The following TESK2 variants were observed in gnomAD, a reference collection of about 807,000 sequenced individuals.
TESK2 encodes the protein testis associated actin remodelling kinase 2.
In TESK2, 39 loss-of-function variants were observed where a neutral mutation model predicts 57.1. The observed-to-expected ratio is 0.68, with a 90% confidence interval of 0.53 to 0.89. The LOEUF (loss-of-function observed/expected upper bound fraction) is 0.89, where lower values mean the gene tolerates loss of function less well. Among genes scored for constraint, TESK2 ranks in the 40% least tolerant of loss-of-function variants. TESK2 has a pLI of 0.00. For synonymous variants in TESK2, 249 were observed against 267.9 expected, an observed-to-expected ratio of 0.93 and a Z score of 0.69; for missense variants, 646 against 732.1, an observed-to-expected ratio of 0.88 and a Z score of 1.36.
At chr1:45,363,041 T>C (rs555666132) in intron 4 of TESK2, among the ~76,000 whole-genome samples, 73 of 152,120 alleles carry the variant, frequency 4.8e-4, no homozygotes, top group Non-Finnish European at 7.8e-4. Flanking sequence ...GCAGCAAGAA[T>C]GGAAAGGAGG....
chr1:45,398,622 A>G (rs1289846512), intron 3 of TESK2: 1 of 165,670 alleles, frequency 6.0e-6, no homozygotes, highest in East Asian at 1.7e-4. Context: ...ATCAAGTTTT[A>G]CCTAATGTCT....
chr1:45,354,718 A>G (rs1294315489), intron 5 of TESK2, among the ~76,000 whole-genome samples: 1 of 133,124 alleles, frequency 7.5e-6, no homozygotes, highest in Non-Finnish European at 1.5e-5. Context: ...GAGCCGATGG[A>G]GTGGAGGCTG....
intron 3 of TESK2, among the ~76,000 whole-genome samples, chr1:45,394,200 G>GCACAGTGCAATA (rs943421101): frequency 1.3e-5 from 2 of 151,892 alleles, no homozygotes; most frequent in African/African-American, 4.8e-5. Flanking sequence ...GAGTGCGGTG[G>GCACAGTGCAATA]CACAGTGCAA....
chr1:45,358,906 GCATCT>G (rs1647560742), intron 4 of TESK2, among the ~76,000 whole-genome samples: 1 of 152,166 alleles, frequency 6.6e-6, no homozygotes, highest in Admixed American at 6.5e-5. Context: ...AGAGACCACA[GCATCT>G]GAGTAAGAGA....
chr1:45,432,718 A>G (rs908494584), intron 2 of TESK2, among the ~76,000 whole-genome samples: 1 of 148,168 alleles, frequency 6.7e-6, no homozygotes, highest in Non-Finnish European at 1.5e-5. Flanking sequence ...ACAATACATT[A>G]TTAATGATAG....
chr1:45,488,288 C>A (rs982335465), intron 1 of TESK2, among the ~76,000 whole-genome samples: 1 of 152,132 alleles, frequency 6.6e-6, no homozygotes, highest in Non-Finnish European at 1.5e-5. Flanking sequence ...CCATAATACT[C>A]AAGTCAGAAA....
rs549007636 is a variant in TESK2 at position 45,353,150 on chromosome 1, G to A, written c.540+2153C>T. On this transcript the variant is annotated intron_variant, in intron 5 of 10. Transcript: ENST00000372086. ...TGACCTCAGGTGATCTGCCCGCCTCGGCCTCCCAAAGTGCTGGGATTACAG... is the reference window on the plus strand; with the variant it reads ...TGACCTCAGGTGATCTGCCCGCCTCAGCCTCCCAAAGTGCTGGGATTACAG... Among the ~76,000 whole-genome samples, 88 of 152,096 alleles carry A rather than the reference G, an allele frequency of 5.8e-4. 1 individual carries two copies. The Middle Eastern group carries it at 0.034, about 59-fold the overall frequency.
chr1:45,450,092 T>A (rs985358095), intron 2 of TESK2, among the ~76,000 whole-genome samples: 1 of 152,222 alleles, frequency 6.6e-6, no homozygotes, highest in African/African-American at 2.4e-5. Flanking sequence ...TAGGTAGTCA[T>A]CTGAAAAGCA....
At chr1:45,387,805 A>C (rs532508204) in intron 3 of TESK2, among the ~76,000 whole-genome samples, 1 of 152,282 alleles carries the variant, frequency 6.6e-6, no homozygotes, top group African/African-American at 2.4e-5. Context: ...TCAGGAGTTC[A>C]AGACCACCCT....
chr1:45,402,646 C>T (rs527567836), intron 3 of TESK2, among the ~76,000 whole-genome samples: 2 of 152,068 alleles, frequency 1.3e-5, no homozygotes, highest in African/African-American at 4.8e-5. Flanking sequence ...CCACACCAAG[C>T]TAATTTTGTA....
intron 4 of TESK2, among the ~76,000 whole-genome samples, chr1:45,372,683 G>A (rs1470468144): frequency 6.6e-6 from 1 of 151,800 alleles, no homozygotes; most frequent in African/African-American, 2.4e-5. Context: ...ATTTGCGGCT[G>A]TAATGCACTA....
chr1:45,404,605 G>A (rs1337452173), intron 3 of TESK2, among the ~76,000 whole-genome samples: 6 of 150,550 alleles, frequency 4.0e-5, no homozygotes, highest in African/African-American at 7.4e-5. Flanking sequence ...TTGCAGTGGC[G>A]CGATCTTGGC....
At chr1:45,348,772 C>A (rs141597283) in intron 5 of TESK2, among the ~76,000 whole-genome samples, 1 of 152,286 alleles carries the variant, frequency 6.6e-6, no homozygotes, top group African/African-American at 2.4e-5. Context: ...CCTCTCATCT[C>A]AACTCTTAGC....
rs1324983871 is a variant in TESK2, at chr1:45,379,945, C to T, written c.393+5967G>A. ...GCTCTGTTGCCTAGAGCTCTGTTGG[C>T]TAGAGTGTAGTGGCATGATCTCGGC... is the stretch of plus-strand genomic sequence containing the variant. On this transcript the variant is annotated intron_variant, in intron 4 of 10. Coordinates refer to ENST00000372086, the MANE Select transcript of TESK2 (RefSeq NM_007170.3). Among the ~76,000 whole-genome samples the T allele has an allele frequency of 2.0e-5, 3 of 152,060 alleles. No individual in the cohort carries two copies. In the East Asian group the frequency reaches 5.8e-4, roughly 29 times the overall value.
chr1:45,400,791 G>T (rs980330419), intron 3 of TESK2, among the ~76,000 whole-genome samples: 2 of 152,040 alleles, frequency 1.3e-5, no homozygotes, highest in Non-Finnish European at 2.9e-5. Flanking sequence ...GGAGGCCAAG[G>T]CAGGTGAATC....
intron 1 of TESK2, among the ~76,000 whole-genome samples, chr1:45,472,880 G>A (rs1004300872): frequency 2.6e-5 from 4 of 151,074 alleles, no homozygotes; most frequent in Admixed American, 1.3e-4. Context: ...GCTTACGCCT[G>A]TAATCCCAGC....
At chr1:45,403,882 G>GAAAAAAA (rs562862639) in intron 3 of TESK2, among the ~76,000 whole-genome samples, 6 of 84,876 alleles carry the variant, frequency 7.1e-5, no homozygotes, top group Non-Finnish European at 1.0e-4. Flanking sequence ...CCATGCAAGC[G>GAAAAAAA]AAAAAAAAAA....
At chr1:45,368,511 C>A (rs914940990) in intron 4 of TESK2, among the ~76,000 whole-genome samples, 6 of 147,318 alleles carry the variant, frequency 4.1e-5, no homozygotes, top group Non-Finnish European at 6.0e-5. Flanking sequence ...GTACCTGGGA[C>A]TACAGGCGCC....
intron 3 of TESK2, 95 bp downstream of exon 3, chr1:45,421,630 T>G: frequency 1.3e-6 from 2 of 1,532,960 alleles, no homozygotes; most frequent in Non-Finnish European, 1.8e-6. Flanking sequence ...GCATGATAAA[T>G]CCTGAATCCC....
Sources: gnomAD v4.1 joint callset for allele counts (sites outside exome capture counted in the v4.1 genomes callset) on GRCh38, gnomAD v4.1.1 for gene constraint, MANE v1.5 for transcripts, NCBI Gene and HGNC (gene_info 2026-07-23, HGNC 2026-07-21) for gene names.